The following TSHZ2 variants were observed in gnomAD, a reference collection of about 807,000 sequenced individuals.
The protein encoded by TSHZ2 is teashirt zinc finger homeobox 2, also known as teashirt homolog 2.
TSHZ2 carries 21 observed loss-of-function variants against 74.4 expected under a neutral mutation model. The ratio of observed to expected loss-of-function variants is 0.28; its 90% CI spans 0.20 to 0.41. The LOEUF is 0.41. Among genes scored for constraint, TSHZ2 ranks in the 10% least tolerant of loss-of-function variants. TSHZ2 has a pLI of 1.00. For synonymous variants in TSHZ2, 540 were observed against 515.3 expected, an observed-to-expected ratio of 1.05 and a Z score of -0.65; for missense variants, 1,244 against 1,293.5, an observed-to-expected ratio of 0.96 and a Z score of 0.59.
intron 1 of TSHZ2, among the ~76,000 whole-genome samples, chr20:53,227,818 CT>C (rs1280737583): frequency 6.6e-6 from 1 of 152,130 alleles, no homozygotes; most frequent in Non-Finnish European, 1.5e-5. Flanking sequence ...TATATCAGTA[CT>C]GACTTCAAAG....
At chr20:53,067,476 G>A (rs1400250678) in intron 1 of TSHZ2, among the ~76,000 whole-genome samples, 2 of 152,216 alleles carry the variant, frequency 1.3e-5, no homozygotes, top group Non-Finnish European at 2.9e-5. Flanking sequence ...AATTGTCACT[G>A]AAAAGTAACC....
intron 2 of TSHZ2, among the ~76,000 whole-genome samples, chr20:53,424,331 G>A (rs947193964): frequency 5.3e-5 from 8 of 152,156 alleles, no homozygotes; most frequent in Admixed American, 6.5e-5. Context: ...AGTCATTCCC[G>A]TTTGAGAATC....
At chr20:53,055,524 T>C (rs1336205412) in intron 1 of TSHZ2, among the ~76,000 whole-genome samples, 7 of 152,332 alleles carry the variant, frequency 4.6e-5, no homozygotes, top group African/African-American at 1.7e-4. Context: ...AGTTATAATT[T>C]TTTTGCATGA....
chr20:53,028,351 A>T (rs1459483093), intron 1 of TSHZ2, among the ~76,000 whole-genome samples: 1 of 152,228 alleles, frequency 6.6e-6, no homozygotes, highest in African/African-American at 2.4e-5. Flanking sequence ...CGATGTGGCC[A>T]TCTTTAAACC....
intron 1 of TSHZ2, among the ~76,000 whole-genome samples, chr20:53,148,900 AAG>A (rs1987608705): frequency 1.3e-5 from 2 of 152,196 alleles, no homozygotes; most frequent in South Asian, 4.1e-4. Flanking sequence ...AGGCTCCAGA[AAG>A]AGAATTCTCA....
intron 1 of TSHZ2, among the ~76,000 whole-genome samples, chr20:53,038,402 G>A (rs1024888626): frequency 6.6e-6 from 1 of 151,968 alleles, no homozygotes. Context: ...AAGAGTGGAG[G>A]GTTGCTGTTT....
At chr20:53,101,150 A>G (rs947951150) in intron 1 of TSHZ2, among the ~76,000 whole-genome samples, 56 of 152,126 alleles carry the variant, frequency 3.7e-4, no homozygotes, top group Non-Finnish European at 6.9e-4. Flanking sequence ...CTGCTTTTTC[A>G]TGTTCCAAAA....
intron 2 of TSHZ2, among the ~76,000 whole-genome samples, chr20:53,317,767 T>C (rs1979082947): frequency 6.6e-6 from 1 of 152,216 alleles, no homozygotes; most frequent in African/African-American, 2.4e-5. Context: ...TCAAAGGACA[T>C]TGCCGATCAA....
intron 2 of TSHZ2, among the ~76,000 whole-genome samples, chr20:53,435,744 A>G (rs1984031815): frequency 1.3e-5 from 2 of 152,166 alleles, no homozygotes; most frequent in South Asian, 4.1e-4. Flanking sequence ...CGAACTCCTG[A>G]CCATGTGATC....
intron 2 of TSHZ2, among the ~76,000 whole-genome samples, chr20:53,386,627 T>C (rs570999671): frequency 3.6e-4 from 55 of 152,360 alleles, no homozygotes; most frequent in African/African-American, 1.2e-3. Flanking sequence ...TCTGATTTAG[T>C]ATAAACGAAT....
At chr20:53,378,022 G>A (rs919686599) in intron 2 of TSHZ2, among the ~76,000 whole-genome samples, 4 of 152,068 alleles carry the variant, frequency 2.6e-5, no homozygotes, top group Admixed American at 6.6e-5. Flanking sequence ...GCTTTTACTC[G>A]GTGGTTCTGT....
At chr20:53,323,622 C>T (rs374010768) in intron 2 of TSHZ2, among the ~76,000 whole-genome samples, 1 of 110,750 alleles carries the variant, frequency 9.0e-6, no homozygotes, top group African/African-American at 3.5e-5. Context: ...GTCATCCAGG[C>T]TGGAGTGCTG....
rs372347557 is a variant in TSHZ2 at position 53,255,161 on chromosome 20, G to A, written c.1703G>A (p.Arg568Gln). The change falls in exon 2 of 3, where the codon CGG becomes CAG. Residue 568 changes from arginine to glutamine, a missense_variant. Physicochemically the swap from Arg to Gln is conservative, Grantham distance 43. This residue lies in a region of TSHZ2 where 562 missense variants were observed against 544.0 expected (regional missense o/e 1.03). Coordinates refer to ENST00000371497, the MANE Select transcript of TSHZ2 (RefSeq NM_173485.6). The surrounding 1 kb of genome is among the most constrained non-coding windows in gnomAD (Gnocchi z 4.1). ...LPMGSQVLQI[R>Q]PNLTNKLRPI... ...ATGGGATCCCAGGTACTGCAGATCC[G>A]GCCTAATCTCACCAACAAGCTGAGG... 173 of 1,613,988 alleles carry A rather than the reference G, an allele frequency of 1.1e-4. No homozygotes were observed. Among genetic ancestry groups the A allele is most frequent in the South Asian group, 1.9e-4 (17 of 91,078 alleles).
At chr20:53,454,946 T>G (rs1361471046) in intron 2 of TSHZ2, among the ~76,000 whole-genome samples, 1 of 152,148 alleles carries the variant, frequency 6.6e-6, no homozygotes, top group African/African-American at 2.4e-5. Flanking sequence ...ACCACCCACT[T>G]CATGTTGACC....
At chr20:53,425,427 T>C (rs1299999169) in intron 2 of TSHZ2, among the ~76,000 whole-genome samples, 8 of 152,314 alleles carry the variant, frequency 5.3e-5, no homozygotes, top group African/African-American at 1.9e-4. Context: ...AGTCAGGTGC[T>C]CATTTCCCTG....
chr20:53,295,553 C>G (rs924667591), intron 2 of TSHZ2, among the ~76,000 whole-genome samples: 1 of 152,170 alleles, frequency 6.6e-6, no homozygotes, highest in East Asian at 1.9e-4. Context: ...TTTGCCATAT[C>G]TGCAAACCCC....
chr20:53,256,119 G>A lies in TSHZ2; in HGVS notation c.2661G>A (p.Lys887=), dbSNP rs371016440. 1 of 1,614,102 alleles carries A rather than the reference G, an allele frequency of 6.2e-7. No homozygotes were observed. Among genetic ancestry groups the A allele is most frequent in the Non-Finnish European group, 8.5e-7 (1 of 1,179,984 alleles). The change falls in exon 2 of 3, where the codon AAG becomes AAA. Residue 887 remains lysine (K), a synonymous_variant. Transcript: ENST00000371497. This position sits in a 1 kb window ranked among gnomAD's most constrained non-coding sequence, Gnocchi z 4.3. ...LGPQERMQIS[K]FTGLSMTTIS... ...CACAAGAGCGTATGCAAATCTCTAA[G>A]TTTACGGGACTCTCAATGACCACTA... is the stretch of plus-strand genomic sequence containing the variant.
At chr20:53,243,321 G>A (rs1990115645) in intron 1 of TSHZ2, among the ~76,000 whole-genome samples, 1 of 152,126 alleles carries the variant, frequency 6.6e-6, no homozygotes, top group Non-Finnish European at 1.5e-5. Context: ...TGGAAACTGG[G>A]CAGGTCATTG....
At chr20:53,322,522 A>T (rs1979312328) in intron 2 of TSHZ2, among the ~76,000 whole-genome samples, 2 of 152,136 alleles carry the variant, frequency 1.3e-5, no homozygotes, top group African/African-American at 4.8e-5. Context: ...CAAAAAAAAA[A>T]AAGAAAAAAA....
Sources: gnomAD v4.1 joint callset for allele counts (sites outside exome capture counted in the v4.1 genomes callset) on GRCh38, gnomAD v4.1.1 for gene constraint, gnomAD v4.1.1 regional missense constraint, Gnocchi (gnomAD v3.1) non-coding constraint, MANE v1.5 for transcripts, NCBI Gene and HGNC (gene_info 2026-07-23, HGNC 2026-07-21) for gene names.